The following EVC variants were observed in gnomAD, a reference collection of about 807,000 sequenced individuals.
EVC encodes the protein evC complex member EVC.
EVC carries 116 observed loss-of-function variants against 118.9 expected under a neutral mutation model. That is an observed-to-expected ratio of 0.98 (90% CI 0.84 to 1.14). EVC has a LOEUF of 1.14. Ranked by LOEUF, EVC falls within the 50% of genes most tolerant of loss-of-function variation. EVC has a pLI of 0.00. For synonymous variants in EVC, 619 were observed against 534.7 expected, an observed-to-expected ratio of 1.16 and a Z score of -2.18; for missense variants, 1,401 against 1,246.4, an observed-to-expected ratio of 1.12 and a Z score of -1.87.
At chr4:5,733,618 CCT>C in intron 5 of EVC, among the ~76,000 whole-genome samples, 183 bp downstream of exon 5, 1 of 152,156 alleles carries the variant, frequency 6.6e-6, no homozygotes, top group Non-Finnish European at 1.5e-5. Flanking sequence ...GCACTTCACG[CCT>C]GTTGGTGGGG....
rs1560309341 is a variant in EVC, at chr4:5,738,791, C to T, written c.703-2925C>T. Among the ~76,000 whole-genome samples, 1 of 152,060 alleles carries T rather than the reference C, an allele frequency of 6.6e-6. No homozygotes were observed. Among genetic ancestry groups the T allele is most frequent in the Non-Finnish European group, 1.5e-5 (1 of 68,020 alleles). ...CATGTTGGCCAGGATGGGTCTCAAT[C>T]TCTTGACCTTGTGATCCACCTGCCT... On this transcript the variant is annotated intron_variant, in intron 5 of 20. Transcript: ENST00000264956. The surrounding 1 kb of genome is among the most constrained non-coding windows in gnomAD (Gnocchi z 6.5).
chr4:5,729,375 C>G lies in EVC; in HGVS notation c.369C>G (p.Ile123Met). Residue 123 changes from isoleucine (I) to methionine (M), a missense_variant, in exon 3 of 21, where the codon ATC becomes ATG. By Grantham distance (10) the Ile-to-Met change is conservative. Coordinates refer to ENST00000264956, the MANE Select transcript of EVC (RefSeq NM_153717.3). ...TGAAGGCCAAAGTCATCTACCCCAT[C>G]AATCAGAAGTTCCGGGTGAGAGTCC... ...FALKAKVIYP[I>M]NQKFRPLADG... 2.5e-6 allele frequency: 4 copies of G among 1,614,136 alleles called. No individual in the cohort carries two copies. In the Middle Eastern group the frequency reaches 6.6e-4, roughly 266 times the overall value.
intron 1 of EVC, among the ~76,000 whole-genome samples, chr4:5,717,149 G>A (rs1424219952): frequency 2.0e-5 from 3 of 151,930 alleles, no homozygotes; most frequent in African/African-American, 4.8e-5. Context: ...CTCTCACTTC[G>A]ATTCTCTTTG....
Position 5,759,810 on chromosome 4 carries a change from C to T in EVC, c.1563+3448C>T, listed in dbSNP as rs114468084. 7.0e-3 allele frequency among the ~76,000 whole-genome samples: 1,073 copies of T among 152,282 alleles called. 13 individuals carry two copies. Among genetic ancestry groups the T allele is most frequent in the African/African-American group, 0.025 (1,029 of 41,550 alleles). Reference sequence around the variant, plus strand: ...GTTTATTTTGCCAAGGTTGAGGCTGCGCGAGCCTGGGACACAGCCTCAGGA... The same window carrying T: ...GTTTATTTTGCCAAGGTTGAGGCTGTGCGAGCCTGGGACACAGCCTCAGGA... On this transcript the variant is annotated intron_variant, in intron 11 of 20. Transcript: ENST00000264956.
the EVC span, among the ~76,000 whole-genome samples, chr4:5,827,054 T>G: frequency 6.6e-6 from 1 of 152,236 alleles, no homozygotes; most frequent in Non-Finnish European, 1.5e-5. Flanking sequence ...CAGGCTCTGA[T>G]GCAGGTCTCT....
At position 5,731,748 on chromosome 4, in the gene EVC, C is replaced by A; in HGVS notation, c.617+91C>A. On this transcript the variant is annotated intron_variant, in intron 4 of 20. Coordinates refer to ENST00000264956, the MANE Select transcript of EVC (RefSeq NM_153717.3). The surrounding 1 kb of genome is among the most constrained non-coding windows in gnomAD (Gnocchi z 5.6). ...ATTGTCAGAGGAGGAAACAGAGGCC[C>A]AGAGAGGTTCAGTGACTCTGCCAGG... The A allele has an allele frequency of 7.9e-7, 1 of 1,273,044 alleles. No homozygotes were observed. Among genetic ancestry groups the A allele is most frequent in the Non-Finnish European group, 1.1e-6 (1 of 894,586 alleles). 78.9% of individuals were successfully genotyped at this position (1,273,044 alleles called of 1,614,324 possible). A position where few individuals can be genotyped will look rare whatever the true frequency, so the allele number is the denominator to read the frequency against.
At chr4:5,821,872 C>G in the EVC span, 3 of 1,541,144 alleles carry the variant, frequency 1.9e-6, no homozygotes, top group East Asian at 6.8e-5. The surrounding 1 kb of genome is among the most constrained non-coding windows in gnomAD (Gnocchi z 4.4). Context: ...GCGCCAATCG[C>G]TGCTGGATGG....
Position 5,731,361 on chromosome 4 carries a change from T to G in EVC, c.385-64T>G. 7.6e-7 allele frequency: 1 copy of G among 1,323,086 alleles called. No homozygotes were observed. Among genetic ancestry groups the G allele is most frequent in the Non-Finnish European group, 1.1e-6 (1 of 915,294 alleles). 82.0% of individuals were successfully genotyped at this position (1,323,086 alleles called of 1,614,324 possible). A position where few individuals can be genotyped will look rare whatever the true frequency, so the allele number is the denominator to read the frequency against. On this transcript the variant is annotated intron_variant, in intron 3 of 20. Transcript: ENST00000264956. This position sits in a 1 kb window ranked among gnomAD's most constrained non-coding sequence, Gnocchi z 5.6. ...CTAGCGTGAATCACTGGTAGAATTA[T>G]GAATACTAGATCAAATCCCAGAGGC... is the stretch of plus-strand genomic sequence containing the variant.
Position 5,737,084 on chromosome 4 carries a change from A to G in EVC, c.702+3649A>G, listed in dbSNP as rs1308819862. Among the ~76,000 whole-genome samples, 1 of 152,254 alleles carries G rather than the reference A, an allele frequency of 6.6e-6. No individual in the cohort carries two copies. Among genetic ancestry groups the G allele is most frequent in the Non-Finnish European group, 1.5e-5 (1 of 68,044 alleles). On this transcript the variant is annotated intron_variant, in intron 5 of 20. Coordinates refer to ENST00000264956, the MANE Select transcript of EVC (RefSeq NM_153717.3). This position sits in a 1 kb window ranked among gnomAD's most constrained non-coding sequence, Gnocchi z 5.0. ...TACGCCAGTGAACACACGAATGATCAGAAAGCAAAACAACCTTATTGCTGA... is the reference window on the plus strand; with the variant it reads ...TACGCCAGTGAACACACGAATGATCGGAAAGCAAAACAACCTTATTGCTGA...
chr4:5,801,889 G>A, intron 15 of EVC, 61 bp from the exon 16 acceptor site: 4 of 1,572,404 alleles, frequency 2.5e-6, no homozygotes, highest in Non-Finnish European at 3.5e-6. Flanking sequence ...GACTGGATGG[G>A]CCGTGGGTGG....
At position 5,719,448 on chromosome 4, in the gene EVC, A is replaced by G. The variant is rs1490811297; in HGVS notation, c.300+75A>G. The stretch of plus-strand genomic sequence containing the variant: ...GTATTCCCCCTGGAAGCCGGGTGTC[A>G]TGTAGACAAGCCTCTGACAGATATA... On this transcript the variant is annotated intron_variant, in intron 2 of 20. Transcript: ENST00000264956. This position sits in a 1 kb window ranked among gnomAD's most constrained non-coding sequence, Gnocchi z 4.7. 11 of 1,607,590 alleles carry G rather than the reference A, an allele frequency of 6.8e-6. No individual in the cohort carries two copies. Among genetic ancestry groups the G allele is most frequent in the East Asian group, 6.7e-5 (3 of 44,812 alleles).
At chr4:5,730,174 C>G (rs958847515) in intron 3 of EVC, among the ~76,000 whole-genome samples, 2 of 152,096 alleles carry the variant, frequency 1.3e-5, no homozygotes, top group Non-Finnish European at 2.9e-5. Flanking sequence ...TGATGGTGCT[C>G]CTGCCTCGCC....
the EVC span, chr4:5,820,805 T>C: frequency 6.6e-6 from 1 of 152,150 alleles, no homozygotes; most frequent in Non-Finnish European, 1.5e-5. Context: ...TCATTTTCTT[T>C]ATTTTTTCAC....
chr4:5,783,301 C>G lies in EVC; in HGVS notation c.1564-251C>G, dbSNP rs367871299. The stretch of plus-strand genomic sequence containing the variant: ...ATGCATATGTGTATGAGTACATGTG[C>G]ATGTGTCTGTGTGTACAAGTGTGTG... On this transcript the variant is annotated intron_variant, in intron 11 of 20. Coordinates refer to ENST00000264956, the MANE Select transcript of EVC (RefSeq NM_153717.3). Among the ~76,000 whole-genome samples, 389 of 151,902 alleles carry G rather than the reference C, an allele frequency of 2.6e-3. 2 individuals are homozygous for G. The highest frequency in any genetic ancestry group is 8.8e-3 in the African/African-American group (366 of 41,406).
intron 16 of EVC, among the ~76,000 whole-genome samples, chr4:5,804,323 A>G (rs1183106955): frequency 1.3e-5 from 2 of 152,210 alleles, no homozygotes; most frequent in Non-Finnish European, 2.9e-5. Context: ...GAAATGGGGC[A>G]TAACTTCAGA....
At chr4:5,750,275 C>T (rs1038104152) in intron 8 of EVC, among the ~76,000 whole-genome samples, 1 of 152,128 alleles carries the variant, frequency 6.6e-6, no homozygotes, top group South Asian at 2.1e-4. Context: ...AGGTGAAAGA[C>T]TTTTCTTCCT....
chr4:5,810,497 T>C (rs377664560), intron 20 of EVC, 47 bp downstream of exon 20: 1 of 1,410,816 alleles, frequency 7.1e-7, no homozygotes, highest in Non-Finnish European at 9.9e-7. Flanking sequence ...GTTTGGTAAA[T>C]GCACTCAGCT....
At chr4:5,747,505 G>A (rs745455287) in intron 7 of EVC, among the ~76,000 whole-genome samples, 61 of 152,284 alleles carry the variant, frequency 4.0e-4, no homozygotes, top group Middle Eastern at 3.4e-3. Flanking sequence ...AGAGCCTGGC[G>A]AACAGCCTGT....
chr4:5,797,368 CT>C (rs1339261417), intron 14 of EVC, 136 bp downstream of exon 14: 2 of 761,704 alleles, frequency 2.6e-6, no homozygotes, highest in African/African-American at 3.4e-5. Context: ...TTCGCCGGGG[CT>C]GCCATAGCAA....
Sources: gnomAD v4.1 joint callset for allele counts (sites outside exome capture counted in the v4.1 genomes callset) on GRCh38, gnomAD v4.1.1 for gene constraint, Gnocchi (gnomAD v3.1) non-coding constraint, MANE v1.5 for transcripts, NCBI Gene and HGNC (gene_info 2026-07-23, HGNC 2026-07-21) for gene names.